KIAA1217: variants seen among roughly 807,000 people sequenced by gnomAD.
The protein encoded by KIAA1217 is KIAA1217.
KIAA1217 carries 88 observed loss-of-function variants against 163.9 expected under a neutral mutation model. That is an observed-to-expected ratio of 0.54 (90% CI 0.45 to 0.64). The LOEUF (loss-of-function observed/expected upper bound fraction) is 0.64. Among genes scored for constraint, KIAA1217 ranks in the 30% least tolerant of loss-of-function variants. The pLI is 0.00. For synonymous variants in KIAA1217, 903 were observed against 923.1 expected (o/e 0.98, Z 0.39); for missense variants, 2,372 against 2,475.0 (o/e 0.96, Z 0.88).
At chr10:24,420,579 T>C (rs563705966) in intron 3 of KIAA1217, among the ~76,000 whole-genome samples, 1 of 152,328 alleles carries the variant, frequency 6.6e-6, no homozygotes, top group African/African-American at 2.4e-5. Context: ...TTAAAGTCCT[T>C]CCCTGTACCA....
intron 1 of KIAA1217, among the ~76,000 whole-genome samples, chr10:24,004,034 C>T (rs1371133433): frequency 6.6e-6 from 1 of 152,096 alleles, no homozygotes; most frequent in Non-Finnish European, 1.5e-5. Flanking sequence ...GGCTGGAGTG[C>T]AATGGCACGA....
chr10:24,042,123 A>AG (rs1564630347), intron 2 of KIAA1217: 2 of 152,192 alleles, frequency 1.3e-5, no homozygotes, highest in African/African-American at 2.4e-5. Context: ...AAGAGATCCA[A>AG]GGGGCAGCCC....
intron 1 of KIAA1217, among the ~76,000 whole-genome samples, chr10:23,914,199 G>C (rs935767984): frequency 3.3e-5 from 5 of 152,110 alleles, no homozygotes; most frequent in Non-Finnish European, 7.4e-5. Context: ...CCAGGTGGAG[G>C]AAACTCACCT....
chr10:24,366,387 G>A (rs774967661), intron 2 of KIAA1217, among the ~76,000 whole-genome samples: 4 of 152,166 alleles, frequency 2.6e-5, no homozygotes, highest in Non-Finnish European at 4.4e-5. Context: ...AGAGGGTGCG[G>A]TGAGCTGAGA....
chr10:23,960,026 C>T (rs1440515415), intron 1 of KIAA1217, among the ~76,000 whole-genome samples: 1 of 151,530 alleles, frequency 6.6e-6, no homozygotes, highest in Non-Finnish European at 1.5e-5. Flanking sequence ...CGCCATTCTC[C>T]TGCCTCAGCC....
intron 2 of KIAA1217, among the ~76,000 whole-genome samples, chr10:24,323,992 C>G (rs529909266): frequency 6.6e-6 from 1 of 152,130 alleles, no homozygotes; most frequent in East Asian, 1.9e-4. Flanking sequence ...GGCTAAGGAA[C>G]CACTGTAAAT....
At chr10:23,811,334 T>C (rs956482995) in intron 1 of KIAA1217, among the ~76,000 whole-genome samples, 1 of 148,354 alleles carries the variant, frequency 6.7e-6, no homozygotes, top group African/African-American at 2.5e-5. Context: ...AGTATGTATA[T>C]AGTATATGGA....
At chr10:24,082,921 T>G (rs114608918) in intron 2 of KIAA1217, among the ~76,000 whole-genome samples, 3,981 of 152,312 alleles carry the variant, frequency 0.026, 160 homozygotes, top group African/African-American at 0.091. Context: ...TTTCTTGACT[T>G]TTTAATAATG....
intron 2 of KIAA1217, among the ~76,000 whole-genome samples, chr10:24,378,519 A>G (rs1308695277): frequency 6.6e-6 from 1 of 152,092 alleles, no homozygotes; most frequent in African/African-American, 2.4e-5. Context: ...CATCTATTGC[A>G]TATATATTAT....
rs1426262984 is a variant in KIAA1217 at position 24,432,962 on chromosome 10, C to T, written c.554-33C>T. The T allele has an allele frequency of 2.5e-6, 4 of 1,587,262 alleles. No individual in the cohort carries two copies. The South Asian group carries it at 3.3e-5, about 13-fold the overall frequency. On this transcript the variant is annotated intron_variant, in intron 3 of 20. Transcript: ENST00000376454. ...GTGCTGTGTGTCCCCTGAGTCTTGA[C>T]CTGTGACTAATAACTGTTTCCTTTG...
intron 1 of KIAA1217, among the ~76,000 whole-genome samples, chr10:23,756,665 T>A (rs1833937333): frequency 6.6e-6 from 1 of 152,238 alleles, no homozygotes; most frequent in African/African-American, 2.4e-5. Context: ...GTAATAATTT[T>A]AAAATATATA....
chr10:24,471,044 T>G (rs1405632568), intron 5 of KIAA1217, among the ~76,000 whole-genome samples: 1 of 152,202 alleles, frequency 6.6e-6, no homozygotes, highest in Non-Finnish European at 1.5e-5. Flanking sequence ...TACCAAGTGC[T>G]TGGTAAATAC....
intron 1 of KIAA1217, among the ~76,000 whole-genome samples, chr10:23,744,729 A>G (rs1037740224): frequency 2.6e-5 from 4 of 152,206 alleles, no homozygotes; most frequent in African/African-American, 4.8e-5. Context: ...ATGTACTTGT[A>G]TGTCAAAAGA....
At chr10:24,426,453 C>G (rs922183161) in intron 3 of KIAA1217, among the ~76,000 whole-genome samples, 1 of 152,042 alleles carries the variant, frequency 6.6e-6, no homozygotes, top group Non-Finnish European at 1.5e-5. Context: ...AAAACCCCGT[C>G]TCTACTAAAA....
chr10:24,380,925 C>T lies in KIAA1217; in HGVS notation c.411C>T (p.Val137=), dbSNP rs41277414. 5.7e-4 allele frequency: 915 copies of T among 1,606,706 alleles called. 2 individuals are homozygous for T. Among genetic ancestry groups the T allele is most frequent in the South Asian group, 7.7e-4 (69 of 90,028 alleles). The change falls in exon 3 of 21, where the codon GTC becomes GTT. Residue 137 remains valine (V), a synonymous_variant. Transcript: ENST00000376454. The part of the protein sequence containing the change: ...SPQPPSLGDP[V]EHLSETSADS... ...AACCACCCAGTCTGGGTGACCCGGT[C>T]GAGCATTTATCAGAGACGTCCGCTG...
intron 1 of KIAA1217, among the ~76,000 whole-genome samples, chr10:23,708,102 G>T (rs542325045): frequency 6.6e-6 from 1 of 152,220 alleles, no homozygotes; most frequent in African/African-American, 2.4e-5. Context: ...GAAGACAAAA[G>T]GTACCTCTTA....
At chr10:23,886,837 CT>C (rs907836939) in intron 1 of KIAA1217, among the ~76,000 whole-genome samples, 1,804 of 138,878 alleles carry the variant, frequency 0.013, 6 homozygotes, top group African/African-American at 0.022. Flanking sequence ...ATCTTGTTGA[CT>C]TTTTTTTTTT....
intron 6 of KIAA1217, among the ~76,000 whole-genome samples, chr10:24,485,778 C>A (rs1380200181): frequency 6.6e-6 from 1 of 152,162 alleles, no homozygotes; most frequent in Non-Finnish European, 1.5e-5. Flanking sequence ...AGGGTGACAG[C>A]CTTTGGGACA....
chr10:24,076,482 T>A (rs1393358193), intron 2 of KIAA1217, among the ~76,000 whole-genome samples: 1 of 152,168 alleles, frequency 6.6e-6, no homozygotes, highest in Non-Finnish European at 1.5e-5. Flanking sequence ...GCATGTAGAG[T>A]CTGAGAGCAG....
Sources: allele counts gnomAD v4.1 joint callset (sites outside exome capture counted in the v4.1 genomes callset), GRCh38; gene constraint gnomAD v4.1.1; transcripts MANE v1.5; gene names NCBI Gene and HGNC (gene_info 2026-07-23, HGNC 2026-07-21).